The following RBFOX3 variants were observed in gnomAD, a reference collection of about 807,000 sequenced individuals.
RBFOX3 encodes the protein RNA binding fox-1 homolog 3, also known as RNA binding protein fox-1 homolog 3.
A neutral mutation model predicts 48.7 loss-of-function variants in RBFOX3; 17 were observed. The ratio of observed to expected loss-of-function variants is 0.35; its 90% CI spans 0.24 to 0.52. The LOEUF (loss-of-function observed/expected upper bound fraction) is 0.52. Among genes scored for constraint, RBFOX3 ranks in the 20% least tolerant of loss-of-function variants. The pLI is 0.94. For missense variants in RBFOX3, 382 were observed against 497.5 expected (o/e 0.77, Z 2.21); for synonymous variants, 212 against 209.5 (o/e 1.01, Z -0.10).
Position 79,479,632 on chromosome 17 carries a change from C to T in RBFOX3, c.-175+2822G>A, listed in dbSNP as rs2078485962. 6.6e-6 allele frequency among the ~76,000 whole-genome samples: 1 copy of T among 152,232 alleles called. No individual in the cohort carries two copies. Among genetic ancestry groups the T allele is most frequent in the Non-Finnish European group, 1.5e-5 (1 of 68,038 alleles). ...TCCAAAAGAGCTTGTGGGGTGACCC[C>T]ACCAACCCTGGACTTCCCAGACGCT... is the stretch of plus-strand genomic sequence containing the variant. On this transcript the variant is annotated intron_variant, in intron 2 of 14. Coordinates refer to ENST00000693108, the MANE Select transcript of RBFOX3 (RefSeq NM_001350451.2). The surrounding 1 kb of genome is among the most constrained non-coding windows in gnomAD (Gnocchi z 5.1).
At chr17:79,579,509 G>A (rs2092975269) in intron 1 of RBFOX3, among the ~76,000 whole-genome samples, 2 of 152,320 alleles carry the variant, frequency 1.3e-5, no homozygotes, top group African/African-American at 4.8e-5. Context: ...CAGGGCAGAG[G>A]GGTCGGCAAT....
intron 2 of RBFOX3, among the ~76,000 whole-genome samples, chr17:79,388,024 G>C (rs771548568): frequency 4.6e-5 from 7 of 151,844 alleles, no homozygotes; most frequent in Admixed American, 2.6e-4. Flanking sequence ...GTGCATGCAA[G>C]TGGATATGAA....
chr17:79,192,253 C>A (rs535301006), intron 4 of RBFOX3, among the ~76,000 whole-genome samples: 1 of 152,200 alleles, frequency 6.6e-6, no homozygotes, highest in Non-Finnish European at 1.5e-5. Flanking sequence ...CAGCTGAGGG[C>A]CCTATGCTGC....
At chr17:79,387,264 A>G (rs540590385) in intron 2 of RBFOX3, among the ~76,000 whole-genome samples, 1 of 152,350 alleles carries the variant, frequency 6.6e-6, no homozygotes, top group East Asian at 1.9e-4. Context: ...ACAGCCTAGT[A>G]AAGGGTTTTG....
At chr17:79,368,341 C>T (rs1052944912) in intron 2 of RBFOX3, among the ~76,000 whole-genome samples, 3 of 152,236 alleles carry the variant, frequency 2.0e-5, no homozygotes, top group East Asian at 1.9e-4. Flanking sequence ...CCAGGCCACA[C>T]CATCCAGGTG....
chr17:79,555,558 G>A (rs1247649688), intron 1 of RBFOX3, among the ~76,000 whole-genome samples: 1 of 2,722 alleles, frequency 3.7e-4, no homozygotes, highest in Non-Finnish European at 8.2e-4. Context: ...TGGTGATGAT[G>A]GTAGTTGTGG....
intron 1 of RBFOX3, among the ~76,000 whole-genome samples, chr17:79,509,734 GA>G (rs1408362201): frequency 2.6e-5 from 4 of 152,134 alleles, no homozygotes; most frequent in African/African-American, 9.6e-5. Flanking sequence ...AGCTGGGGTA[GA>G]GCCCAGGGTT....
At chr17:79,173,897 G>A (rs1386152210) in intron 4 of RBFOX3, among the ~76,000 whole-genome samples, 1 of 138,420 alleles carries the variant, frequency 7.2e-6, no homozygotes, top group Non-Finnish European at 1.6e-5. Flanking sequence ...CACGCCACGT[G>A]CTGAAGTGGA....
intron 1 of RBFOX3, among the ~76,000 whole-genome samples, chr17:79,536,203 A>G (rs1185156554): frequency 1.3e-5 from 2 of 152,288 alleles, no homozygotes; most frequent in East Asian, 3.9e-4. Context: ...CAGCCTCCCA[A>G]GTAGCTGGGA....
rs183697297 is a variant in RBFOX3, at chr17:79,200,119, C to A, written c.-34+35647G>T. Among the ~76,000 whole-genome samples, 473 of 141,878 alleles carry A rather than the reference C, an allele frequency of 3.3e-3. 2 individuals are homozygous for A. Among genetic ancestry groups the A allele is most frequent in the Non-Finnish European group, 5.4e-3 (360 of 66,724 alleles). The allele number at this position is 141,878 out of a possible 152,430, so 93.1% of individuals were successfully genotyped here. A position where few individuals can be genotyped will look rare whatever the true frequency, so the allele number is the denominator to read the frequency against. On this transcript the variant is annotated intron_variant, in intron 4 of 14. Transcript: ENST00000693108. The stretch of plus-strand genomic sequence containing the variant: ...CAGAGGTTGCAGTGAGCCGATATTG[C>A]GTCACTGTACTTCAGCCTGGGTGAC...
chr17:79,097,935 T>G, intron 9 of RBFOX3, 190 bp from the exon 10 acceptor site: 1 of 612,010 alleles, frequency 1.6e-6, no homozygotes, highest in Non-Finnish European at 3.0e-6. Flanking sequence ...GTCTACTCCT[T>G]CCTGACTCTT....
chr17:79,263,695 C>T (rs75355325), intron 3 of RBFOX3, among the ~76,000 whole-genome samples: 5,768 of 152,256 alleles, frequency 0.038, 168 homozygotes, highest in African/African-American at 0.082. Flanking sequence ...TAGGACTCTG[C>T]GTGTTGTTGC....
At position 79,547,483 on chromosome 17, in the gene RBFOX3, T is replaced by C. The variant is rs186266255; in HGVS notation, c.-320+63343A>G. Among the ~76,000 whole-genome samples the C allele has an allele frequency of 4.0e-3, 606 of 152,110 alleles. 7 individuals are homozygous for C. The highest frequency in any genetic ancestry group is 6.5e-3 in the Non-Finnish European group (442 of 67,990). On this transcript the variant is annotated intron_variant, in intron 1 of 14. Coordinates refer to ENST00000693108, the MANE Select transcript of RBFOX3 (RefSeq NM_001350451.2). ...ACAAAAACAAAAACAAAAAAACTGT[T>C]GCTTGTGGAAGGGACAAAGAGACCA...
chr17:79,108,416 G>A (rs1211014309), intron 5 of RBFOX3, among the ~76,000 whole-genome samples: 1 of 152,254 alleles, frequency 6.6e-6, no homozygotes, highest in Non-Finnish European at 1.5e-5. Context: ...TCTCCAGCTA[G>A]GCGAAGCACC....
chr17:79,424,445 C>G (rs1490548388), intron 2 of RBFOX3, among the ~76,000 whole-genome samples: 1 of 152,082 alleles, frequency 6.6e-6, no homozygotes, highest in African/African-American at 2.4e-5. Flanking sequence ...TCCCTCCGCT[C>G]CCCCCGCAAC....
chr17:79,508,741 C>A (rs1458390861), intron 1 of RBFOX3: 4 of 152,346 alleles, frequency 2.6e-5, no homozygotes, highest in Non-Finnish European at 5.9e-5. Context: ...ACACTCCGCA[C>A]ACCCCACACA....
chr17:79,285,202 C>T (rs2071580172), intron 3 of RBFOX3, among the ~76,000 whole-genome samples: 1 of 152,198 alleles, frequency 6.6e-6, no homozygotes, highest in Non-Finnish European at 1.5e-5. Context: ...TAACCCTCTC[C>T]TCGCTCCTGC....
In RBFOX3 at chr17:79,591,581, G is replaced by A. The variant is rs900589530; in HGVS notation, c.-320+19245C>T. Among the ~76,000 whole-genome samples the A allele has an allele frequency of 4.3e-3, 647 of 152,194 alleles. 11 individuals are homozygous for A. Among genetic ancestry groups the A allele is most frequent in the Non-Finnish European group, 3.8e-3 (258 of 68,012 alleles). On this transcript the variant is annotated intron_variant, in intron 1 of 14. Transcript: ENST00000693108. ...CACCCCCAACCCCCAGCCCATCCCC[G>A]TCTTTCCTTCCTCTTGGGCCTCCTG... is the stretch of plus-strand genomic sequence containing the variant.
chr17:79,182,429 G>C (rs2146145843), intron 4 of RBFOX3, among the ~76,000 whole-genome samples: 1 of 152,340 alleles, frequency 6.6e-6, no homozygotes, highest in African/African-American at 2.4e-5. Flanking sequence ...GCCCACAGAG[G>C]CCGAGGGGCC....
Sources: gnomAD v4.1 joint callset for allele counts (sites outside exome capture counted in the v4.1 genomes callset) on GRCh38, gnomAD v4.1.1 for gene constraint, Gnocchi (gnomAD v3.1) non-coding constraint, MANE v1.5 for transcripts, NCBI Gene and HGNC (gene_info 2026-07-23, HGNC 2026-07-21) for gene names.